Variants in MYO7B observed in about 807,000 individuals in gnomAD.
MYO7B encodes myosin VIIB.
MYO7B carries 212 observed loss-of-function variants against 259.7 expected under a neutral mutation model. That is an observed-to-expected ratio of 0.82 (90% CI 0.73 to 0.91). The LOEUF (loss-of-function observed/expected upper bound fraction) is 0.91. Among genes scored for constraint, MYO7B ranks in the 40% least tolerant of loss-of-function variants. The pLI, the probability that MYO7B is intolerant of heterozygous loss-of-function variation, is 0.00. For missense variants in MYO7B, 2,732 were observed against 2,813.5 expected, an observed-to-expected ratio of 0.97 and a Z score of 0.66; for synonymous variants, 1,197 against 1,166.4, an observed-to-expected ratio of 1.03 and a Z score of -0.54.
intron 42 of MYO7B, 80 bp downstream of exon 42, chr2:127,634,763 GC>G: frequency 7.8e-7 from 1 of 1,288,060 alleles, no homozygotes; most frequent in Non-Finnish European, 1.1e-6. Flanking sequence ...TGCGGCCCAT[GC>G]CCATTCATCC....
At chr2:127,542,590 C>T (rs1471408069) in intron 1 of MYO7B, among the ~76,000 whole-genome samples, 1 of 152,134 alleles carries the variant, frequency 6.6e-6, no homozygotes, top group African/African-American at 2.4e-5. Context: ...GGGTGGCCAG[C>T]CCCTCCACAC....
Position 127,582,257 on chromosome 2 carries a change from G to A in MYO7B, c.1201-47G>A, listed in dbSNP as rs372911559. On this transcript the variant is annotated intron_variant, in intron 11 of 47. Transcript: ENST00000409816. ...CCAGGTGAACTTGGAGGTAACCTCCGCCTGAGCCTCCAAGCCCAGGATTCT... is the reference window on the plus strand; with the variant it reads ...CCAGGTGAACTTGGAGGTAACCTCCACCTGAGCCTCCAAGCCCAGGATTCT... 96 of 1,603,346 alleles carry A rather than the reference G, an allele frequency of 6.0e-5. 1 individual carries two copies. The African/African-American group carries it at 8.4e-4, about 14-fold the overall frequency.
chr2:127,636,481 GCTC>G lies in MYO7B; in HGVS notation c.6124-61_6124-59del. On this transcript the variant is annotated intron_variant, in intron 45 of 47. Coordinates refer to ENST00000409816, the MANE Select transcript of MYO7B (RefSeq NM_001393586.1). This position sits in a 1 kb window ranked among gnomAD's most constrained non-coding sequence, Gnocchi z 4.5. ...GTGTATGTGCGTGTGGCCTAGATGA[GCTC>G]CTGGGAGGTGCAGCCTGGCCTCCCG... 1 of 1,519,108 alleles carries G rather than the reference GCTC, an allele frequency of 6.6e-7. No homozygotes were observed. Among genetic ancestry groups the G allele is most frequent in the Non-Finnish European group, 9.0e-7 (1 of 1,109,864 alleles). The allele number at this position is 1,519,108 out of a possible 1,614,324, so 94.1% of individuals were successfully genotyped here. A position where few individuals can be genotyped will look rare whatever the true frequency, so the allele number is the denominator to read the frequency against.
chr2:127,630,395 C>T lies in MYO7B; in HGVS notation c.4807-383C>T, dbSNP rs73953663. On this transcript the variant is annotated intron_variant, in intron 35 of 47. Coordinates refer to ENST00000409816, the MANE Select transcript of MYO7B (RefSeq NM_001393586.1). ...CTTACCCTGTCTGGGAAGGCATCCCCGAGGGAGGGACATTTGTGCTGAGGC... is the reference window on the plus strand; with the variant it reads ...CTTACCCTGTCTGGGAAGGCATCCCTGAGGGAGGGACATTTGTGCTGAGGC... Among the ~76,000 whole-genome samples, 910 of 152,266 alleles carry T rather than the reference C, an allele frequency of 6.0e-3. 8 individuals carry two copies. The highest frequency in any genetic ancestry group is 0.02 in the African/African-American group (833 of 41,542).
chr2:127,596,348 G>T (rs899041565), intron 18 of MYO7B, 114 bp from the exon 19 acceptor site: 8 of 837,366 alleles, frequency 9.6e-6, no homozygotes, highest in African/African-American at 1.7e-5. Context: ...TCTCTGGCCT[G>T]CCCTCCTGGG....
chr2:127,545,781 C>T (rs960927835), intron 1 of MYO7B, among the ~76,000 whole-genome samples: 5 of 152,210 alleles, frequency 3.3e-5, no homozygotes, highest in African/African-American at 4.8e-5. Flanking sequence ...GCTGTTGGCC[C>T]GGTGAACGCC....
rs1190631329 is a variant in MYO7B at position 127,624,780 on chromosome 2, G to GT, written c.4047+461dup. ...TGCGGAGTGTACCGGGAGCTCTTTT[G>GT]TAGGGGATTGTGAGAAAGCAGAGTG... On this transcript the variant is annotated intron_variant, in intron 30 of 47. Transcript: ENST00000409816. 2.0e-5 allele frequency among the ~76,000 whole-genome samples: 3 copies of GT among 152,334 alleles called. No individual in the cohort carries two copies. The East Asian group carries it at 5.8e-4, about 29-fold the overall frequency.
rs1475822821 is a variant in MYO7B at position 127,634,158 on chromosome 2, A to G, written c.5512-18A>G. ...CCCTAGCCAGGCCCCGGGCCTCACCAGCTGCCTCTCTGTCCAGATGCTGGA... is the reference window on the plus strand; with the variant it reads ...CCCTAGCCAGGCCCCGGGCCTCACCGGCTGCCTCTCTGTCCAGATGCTGGA... On this transcript the variant is annotated intron_variant, in intron 40 of 47. Coordinates refer to ENST00000409816, the MANE Select transcript of MYO7B (RefSeq NM_001393586.1). 6.3e-7 allele frequency: 1 copy of G among 1,582,732 alleles called. No homozygotes were observed. Among genetic ancestry groups the G allele is most frequent in the South Asian group, 1.2e-5 (1 of 86,842 alleles).
intron 19 of MYO7B, among the ~76,000 whole-genome samples, chr2:127,599,726 C>G (rs1679891633): frequency 6.6e-6 from 1 of 152,132 alleles, no homozygotes; most frequent in Non-Finnish European, 1.5e-5. Context: ...TTATCATGAA[C>G]AAGTGTTGAA....
At position 127,637,591 on chromosome 2, in the gene MYO7B, G is replaced by GACA; in HGVS notation, c.*174_*175insACA. ...CCCCTCTGTCCTGGGCGCTGCCCAG[G>GACA]GAGGCCAAAAGACGGGCCCAGAATG... On this transcript the variant is annotated 3_prime_UTR_variant, in exon 48 of 48. Transcript: ENST00000409816. The GACA allele has an allele frequency of 2.0e-6, 1 of 498,082 alleles. No homozygotes were observed. The highest frequency in any genetic ancestry group is 4.3e-5 in the South Asian group (1 of 23,134). The allele number at this position is 498,082 out of a possible 1,614,324, so 30.9% of individuals were successfully genotyped here. A position where few individuals can be genotyped will look rare whatever the true frequency, so the allele number is the denominator to read the frequency against.
At chr2:127,624,983 A>G (rs1315569205) in intron 30 of MYO7B, among the ~76,000 whole-genome samples, 5 of 152,192 alleles carry the variant, frequency 3.3e-5, no homozygotes, top group African/African-American at 1.2e-4. Flanking sequence ...TTCCAGAGGG[A>G]AGGGGCTCCT....
In MYO7B at chr2:127,615,706, C is replaced by G. The variant is rs907493374; in HGVS notation, c.3398+3103C>G. Among the ~76,000 whole-genome samples, 1 of 151,962 alleles carries G rather than the reference C, an allele frequency of 6.6e-6. No individual in the cohort carries two copies. Among genetic ancestry groups the G allele is most frequent in the Non-Finnish European group, 1.5e-5 (1 of 67,996 alleles). ...ATTCTGCTTTTATGAGAACAGTTTG[C>G]TGTTTGCTCATATAGCCTCCAGTGG... On this transcript the variant is annotated intron_variant, in intron 26 of 47. Coordinates refer to ENST00000409816, the MANE Select transcript of MYO7B (RefSeq NM_001393586.1). This position sits in a 1 kb window ranked among gnomAD's most constrained non-coding sequence, Gnocchi z 4.4.
chr2:127,632,200 G>A (rs1328283681), intron 38 of MYO7B, 46 bp from the exon 39 acceptor site: 1 of 1,582,722 alleles, frequency 6.3e-7, no homozygotes, highest in Non-Finnish European at 8.6e-7. Flanking sequence ...TGCCTGGCCA[G>A]GGCCCCCTGA....
chr2:127,545,227 T>C (rs1693176762), intron 1 of MYO7B, among the ~76,000 whole-genome samples: 1 of 152,266 alleles, frequency 6.6e-6, no homozygotes, highest in South Asian at 2.1e-4. Flanking sequence ...AGTGGGATTG[T>C]GTAGACAAAA....
chr2:127,563,075 C>A (rs1222866727), intron 2 of MYO7B, among the ~76,000 whole-genome samples: 1 of 152,100 alleles, frequency 6.6e-6, no homozygotes, highest in Non-Finnish European at 1.5e-5. Context: ...TTTTTTCATT[C>A]GGCTCTGCCA....
Position 127,564,247 on chromosome 2 carries a change from T to C in MYO7B, c.113T>C (p.Val38Ala). Residue 38 changes from valine to alanine, a missense_variant, in exon 3 of 48, where the codon GTT becomes GCT. Val to Ala is a moderately conservative substitution (Grantham distance 64). Around this residue, in one of 3 missense-constraint regions of MYO7B, gnomAD observed 1,906 missense variants for 2,026.4 expected, o/e 0.94. Transcript: ENST00000409816. ...IKEAKPGKVLVEDDEGKEHWI... is the reference protein window; with the variant it reads ...IKEAKPGKVLAEDDEGKEHWI... Reference sequence around the variant, plus strand: ...GAGGCAAAGCCAGGCAAAGTCTTGGTTGAAGATGACGAGGGCAAGGTCAGT... The same window carrying C: ...GAGGCAAAGCCAGGCAAAGTCTTGGCTGAAGATGACGAGGGCAAGGTCAGT... The C allele has an allele frequency of 6.3e-7, 1 of 1,575,964 alleles. No homozygotes were observed. The highest frequency in any genetic ancestry group is 1.7e-4 in the Middle Eastern group (1 of 6,028).
At chr2:127,541,879 CG>C (rs574011915) in intron 1 of MYO7B, among the ~76,000 whole-genome samples, 28 of 152,226 alleles carry the variant, frequency 1.8e-4, no homozygotes, top group Non-Finnish European at 3.4e-4. Flanking sequence ...GTCTCTTCCC[CG>C]GGGCTGCCTT....
Position 127,564,215 on chromosome 2 carries a change from C to T in MYO7B, c.81C>T (p.Ile27=). The T allele has an allele frequency of 6.3e-7, 1 of 1,581,534 alleles. No individual in the cohort carries two copies. Among genetic ancestry groups the T allele is most frequent in the Non-Finnish European group, 8.6e-7 (1 of 1,164,140 alleles). ...AGACCGGCGTGGCCATCGGGGGCAT[C>T]ATCAAAGAGGCAAAGCCAGGCAAAG... ...THKTGVAIGG[I]IKEAKPGKVL... is the part of the protein sequence containing the mutation. The change falls in exon 3 of 48, where the codon ATC becomes ATT. Residue 27 remains isoleucine, a synonymous_variant. Coordinates refer to ENST00000409816, the MANE Select transcript of MYO7B (RefSeq NM_001393586.1).
At chr2:127,580,581 C>G (rs958155009) in intron 9 of MYO7B, among the ~76,000 whole-genome samples, 165 bp from the exon 10 acceptor site, 1 of 152,234 alleles carries the variant, frequency 6.6e-6, no homozygotes, top group Non-Finnish European at 1.5e-5. Context: ...GGTCATGGGG[C>G]CGTTGGCTCC....
Sources: gnomAD v4.1 joint callset for allele counts (sites outside exome capture counted in the v4.1 genomes callset) on GRCh38, gnomAD v4.1.1 for gene constraint, gnomAD v4.1.1 regional missense constraint, Gnocchi (gnomAD v3.1) non-coding constraint, MANE v1.5 for transcripts, NCBI Gene and HGNC (gene_info 2026-07-23, HGNC 2026-07-21) for gene names.